The following ZNF536 variants were observed in gnomAD, a reference collection of about 807,000 sequenced individuals.
ZNF536 encodes the protein zinc finger protein 536.
Under a neutral mutation model 84.5 loss-of-function variants are expected in ZNF536, and 13 were observed. The observed-to-expected ratio is 0.15, with a 90% CI of 0.10 to 0.24. The LOEUF is 0.24. Among genes scored for constraint, ZNF536 ranks in the 10% least tolerant of loss-of-function variants. ZNF536 has a pLI of 1.00. For missense variants in ZNF536, 1,536 were observed against 1,747.5 expected (o/e 0.88, Z 2.16); for synonymous variants, 811 against 742.5 (o/e 1.09, Z -1.50).
At chr19:30,417,148 A>ATTTTTTTTTTTTTTTTTTT (rs71173904) in intron 1 of ZNF536, among the ~76,000 whole-genome samples, 4 of 100,238 alleles carry the variant, frequency 4.0e-5, no homozygotes, top group African/African-American at 1.6e-4. Flanking sequence ...TAATTTTTGT[A>ATTTTTTTTTTTTTTTTTTT]TTTTTTTTTT....
chr19:30,356,525 GATA>G (rs550461400), intron 3 of ZNF536, among the ~76,000 whole-genome samples: 35 of 152,294 alleles, frequency 2.3e-4, no homozygotes, highest in Non-Finnish European at 4.0e-4. Context: ...ATTTCTATGT[GATA>G]ATGATGATAA....
chr19:30,634,673 G>A (rs183678126), intron 1 of ZNF536, among the ~76,000 whole-genome samples: 42 of 152,192 alleles, frequency 2.8e-4, no homozygotes, highest in Admixed American at 1.0e-3. Flanking sequence ...ACTTAATGCC[G>A]GTGAATGTTG....
At chr19:30,656,020 C>T (rs757131244) in intron 1 of ZNF536, among the ~76,000 whole-genome samples, 17 of 151,856 alleles carry the variant, frequency 1.1e-4, no homozygotes, top group African/African-American at 1.7e-4. Context: ...GCCTTGGCAA[C>T]AGAGCAAGAC....
At chr19:30,560,351 C>T (rs186887453), downstream of ZNF536, among the ~76,000 whole-genome samples, 3 of 151,452 alleles carry the variant, frequency 2.0e-5, no homozygotes, top group Admixed American at 6.6e-5. Flanking sequence ...TCCATCCCTA[C>T]GTGGATATAT....
Position 30,262,443 on chromosome 19 carries a change from C to T in ZNF536, c.-189-21629C>T, listed in dbSNP as rs189885308. ...ACTCAGAGGCCATCTTCCTTGGTGC[C>T]TGATGGCAGTCTTTGCTCCTGTATT... On this transcript the variant is annotated intron_variant, in intron 1 of 5. Coordinates refer to the ZNF536 transcript ENST00000585628. 2.3e-3 allele frequency among the ~76,000 whole-genome samples: 345 copies of T among 152,334 alleles called. 1 individual carries two copies. The highest frequency in any genetic ancestry group is 2.2e-3 in the Non-Finnish European group (151 of 68,030).
chr19:30,509,382 A>G (rs1287817625), intron 2 of ZNF536, among the ~76,000 whole-genome samples: 3 of 144,556 alleles, frequency 2.1e-5, no homozygotes, highest in African/African-American at 5.0e-5. Flanking sequence ...TATGATATAT[A>G]TTATATCTTA....
chr19:30,349,146 A>G (rs905716932), intron 2 of ZNF536, among the ~76,000 whole-genome samples: 5 of 152,178 alleles, frequency 3.3e-5, no homozygotes, highest in Admixed American at 3.3e-4. Flanking sequence ...GTTTAGTGAG[A>G]TGATATTTTG....
intron 1 of ZNF536, among the ~76,000 whole-genome samples, chr19:30,568,682 G>A (rs1466667548): frequency 6.6e-6 from 1 of 152,330 alleles, no homozygotes; most frequent in African/African-American, 2.4e-5. Context: ...GGAAAGGGAC[G>A]TCAGCCTGGC....
At chr19:30,263,174 G>A (rs577949477) in intron 1 of ZNF536, among the ~76,000 whole-genome samples, 7 of 152,302 alleles carry the variant, frequency 4.6e-5, no homozygotes, top group South Asian at 2.1e-4. Flanking sequence ...GCAGCACAGC[G>A]CATAGCAAAC....
chr19:30,643,665 G>T lies in ZNF536; in HGVS notation c.170-67092G>T, dbSNP rs752364488. On this transcript the variant is annotated intron_variant, in intron 1 of 1. Coordinates refer to the ZNF536 transcript ENST00000592773. ...TCGCAAAGCAATTTCTGCAGGGGGG[G>T]GTTTTGGGGCACCAACCTGTGTGGA... 4.6e-5 allele frequency among the ~76,000 whole-genome samples: 7 copies of T among 152,044 alleles called. No individual in the cohort carries two copies. In the East Asian group the frequency reaches 9.7e-4, roughly 21 times the overall value.
chr19:30,250,990 G>A (rs934451924), intron 1 of ZNF536, among the ~76,000 whole-genome samples: 2 of 151,880 alleles, frequency 1.3e-5, no homozygotes, highest in Admixed American at 6.6e-5. Flanking sequence ...TGTTACACGG[G>A]GTTTAGGTTT....
chr19:30,377,156 G>A (rs894471023), intron 1 of ZNF536, among the ~76,000 whole-genome samples: 4 of 152,286 alleles, frequency 2.6e-5, no homozygotes, highest in African/African-American at 9.6e-5. Flanking sequence ...CTCCAGACTT[G>A]CCCACTAGAC....
At chr19:30,658,023 C>G (rs1233192180) in intron 1 of ZNF536, among the ~76,000 whole-genome samples, 1 of 151,298 alleles carries the variant, frequency 6.6e-6, no homozygotes, top group Non-Finnish European at 1.5e-5. Flanking sequence ...TCCATTCCCC[C>G]CCCCCTTTTT....
intron 2 of ZNF536, among the ~76,000 whole-genome samples, chr19:30,450,288 G>GTTT (rs1568444185): frequency 1.3e-5 from 2 of 152,102 alleles, no homozygotes; most frequent in Non-Finnish European, 2.9e-5. Flanking sequence ...ACTTTATACC[G>GTTT]GAGCTCGGGG....
chr19:30,664,815 G>A (rs1367043904), intron 1 of ZNF536, among the ~76,000 whole-genome samples: 4 of 152,174 alleles, frequency 2.6e-5, no homozygotes, highest in African/African-American at 7.2e-5. Context: ...GATCCCGCAT[G>A]TACTCTGGAC....
At chr19:30,387,264 T>G (rs1306370200) in intron 1 of ZNF536, among the ~76,000 whole-genome samples, 2 of 152,166 alleles carry the variant, frequency 1.3e-5, no homozygotes, top group Non-Finnish European at 2.9e-5. Context: ...AAAGGAAAAT[T>G]TGCAAAAGGG....
chr19:30,640,782 T>C (rs575179046), intron 1 of ZNF536, among the ~76,000 whole-genome samples: 174 of 152,360 alleles, frequency 1.1e-3, no homozygotes, highest in African/African-American at 4.1e-3. Flanking sequence ...TCAAAGGACA[T>C]TCATTTCTTA....
At chr19:30,320,297 A>G (rs1258806667) in intron 2 of ZNF536, among the ~76,000 whole-genome samples, 2 of 152,226 alleles carry the variant, frequency 1.3e-5, no homozygotes, top group Non-Finnish European at 2.9e-5. Flanking sequence ...AATGTTAATC[A>G]TGTTTAATAT....
At position 30,321,729 on chromosome 19, in the gene ZNF536, T is replaced by A. The variant is rs569004949; in HGVS notation, c.-119-30639T>A. On this transcript the variant is annotated intron_variant, in intron 2 of 5. Transcript: ENST00000585628. ...CTTCCTCTTTTTTTTTTTTAATTAG[T>A]CTACCTGGCTAATTTAATTTTTGTT... is the stretch of plus-strand genomic sequence containing the variant. 1.2e-4 allele frequency among the ~76,000 whole-genome samples: 18 copies of A among 151,548 alleles called. No homozygotes were observed. In the East Asian group the frequency reaches 3.3e-3, roughly 28 times the overall value.
Sources: gnomAD v4.1 joint callset for allele counts (sites outside exome capture counted in the v4.1 genomes callset) on GRCh38, gnomAD v4.1.1 for gene constraint, MANE v1.5 for transcripts, NCBI Gene and HGNC (gene_info 2026-07-23, HGNC 2026-07-21) for gene names.